Variants in METTL15 observed in about 807,000 individuals in gnomAD.
METTL15 encodes the protein methyltransferase 15, mitochondrial 12S rRNA N4-cytidine, also known as 12S rRNA N(4)-cytidine methyltransferase METTL15.
A neutral mutation model predicts 38.3 loss-of-function variants in METTL15; 34 were observed. The observed-to-expected ratio is 0.89, with a 90% CI of 0.68 to 1.18. The LOEUF is 1.18. METTL15 is among the 50% of genes most tolerant of loss of function. The pLI is 0.00. For synonymous variants in METTL15, 162 were observed against 170.9 expected, an observed-to-expected ratio of 0.95 and a Z score of 0.41; for missense variants, 438 against 498.4, an observed-to-expected ratio of 0.88 and a Z score of 1.15.
intron 6 of METTL15, among the ~76,000 whole-genome samples, chr11:28,504,919 G>A (rs1400603074): frequency 3.9e-5 from 6 of 152,176 alleles, no homozygotes; most frequent in Non-Finnish European, 8.8e-5. Flanking sequence ...GCCTTGCTTA[G>A]GAGGCAGTGG....
At chr11:28,188,906 T>C (rs1851603055) in intron 3 of METTL15, among the ~76,000 whole-genome samples, 1 of 151,296 alleles carries the variant, frequency 6.6e-6, no homozygotes, top group Admixed American at 6.6e-5. Flanking sequence ...TTCATTTAAA[T>C]AGTGGCATAA....
chr11:28,232,478 A>T (rs894950667), intron 4 of METTL15, among the ~76,000 whole-genome samples: 4 of 151,688 alleles, frequency 2.6e-5, no homozygotes, highest in Non-Finnish European at 4.4e-5. Flanking sequence ...ATGCATAAAA[A>T]TTTTTTCTTT....
At chr11:28,316,116 A>C (rs1257402288) in intron 6 of METTL15, among the ~76,000 whole-genome samples, 1 of 152,112 alleles carries the variant, frequency 6.6e-6, no homozygotes, top group Non-Finnish European at 1.5e-5. Context: ...TGGTAGATCC[A>C]CCCAACAGCT....
At chr11:28,324,821 G>A (rs1292116785) in intron 6 of METTL15, among the ~76,000 whole-genome samples, 3 of 152,200 alleles carry the variant, frequency 2.0e-5, no homozygotes, top group Non-Finnish European at 4.4e-5. Flanking sequence ...AAGGGAGTGG[G>A]TGGATAAGTA....
At chr11:28,470,951 T>A (rs1851298647) in intron 6 of METTL15, among the ~76,000 whole-genome samples, 1 of 152,132 alleles carries the variant, frequency 6.6e-6, no homozygotes, top group Non-Finnish European at 1.5e-5. Flanking sequence ...TCACCTCATT[T>A]TCCCCGTGCT....
chr11:28,292,865 A>G lies in METTL15; in HGVS notation c.599+2468A>G, dbSNP rs182071427. ...GGCTGCATAACTGTCTTCTTTTGAGAAGTGTCTGTTCGTATCCTTTGCCCA... is the reference window on the plus strand; with the variant it reads ...GGCTGCATAACTGTCTTCTTTTGAGGAGTGTCTGTTCGTATCCTTTGCCCA... On this transcript the variant is annotated intron_variant, in intron 5 of 6. Transcript: ENST00000407364. Among the ~76,000 whole-genome samples the G allele has an allele frequency of 3.1e-3, 477 of 152,196 alleles. 13 individuals carry two copies. The highest frequency in any genetic ancestry group is 5.6e-4 in the Non-Finnish European group (38 of 68,016).
At chr11:28,356,817 C>T (rs889085416) in intron 4 of METTL15, among the ~76,000 whole-genome samples, 1 of 152,176 alleles carries the variant, frequency 6.6e-6, no homozygotes, top group South Asian at 2.1e-4. Context: ...AAAACATCTT[C>T]AAGCCACAAT....
chr11:28,400,630 T>G (rs1005044683), intron 5 of METTL15, among the ~76,000 whole-genome samples: 6 of 152,004 alleles, frequency 3.9e-5, no homozygotes, highest in African/African-American at 1.2e-4. Context: ...TCCTGACATT[T>G]CTGCATTCAG....
At chr11:28,119,064 T>C (rs759451889) in intron 3 of METTL15, among the ~76,000 whole-genome samples, 9 of 152,164 alleles carry the variant, frequency 5.9e-5, no homozygotes, top group Non-Finnish European at 1.3e-4. Context: ...TCTCCTCATC[T>C]TCATCCTTCA....
chr11:28,426,015 C>T (rs1016757708), intron 6 of METTL15, among the ~76,000 whole-genome samples: 2 of 152,036 alleles, frequency 1.3e-5, no homozygotes, highest in African/African-American at 4.8e-5. Flanking sequence ...TAATGTGTGC[C>T]ATGGTGGTTT....
chr11:28,150,584 T>A (rs1296613924), intron 3 of METTL15, among the ~76,000 whole-genome samples: 1 of 151,686 alleles, frequency 6.6e-6, no homozygotes, highest in East Asian at 1.9e-4. Flanking sequence ...GGGGTGATTT[T>A]AAAAAATGAA....
intron 3 of METTL15, among the ~76,000 whole-genome samples, chr11:28,347,125 GA>G (rs1340396170): frequency 4.6e-5 from 7 of 152,310 alleles, no homozygotes; most frequent in Non-Finnish European, 7.3e-5. Flanking sequence ...TCTTCTAAAA[GA>G]TGTGGTGGTA....
intron 4 of METTL15, among the ~76,000 whole-genome samples, chr11:28,224,712 C>G (rs968705359): frequency 6.6e-6 from 1 of 151,730 alleles, no homozygotes; most frequent in African/African-American, 2.4e-5. Context: ...CTTATATACT[C>G]TTATCTATAT....
intron 3 of METTL15, among the ~76,000 whole-genome samples, chr11:28,167,056 CTTTT>C (rs1850683900): frequency 6.6e-6 from 1 of 152,104 alleles, no homozygotes; most frequent in Non-Finnish European, 1.5e-5. Flanking sequence ...TTCTTTTGTT[CTTTT>C]GTTTGTCCTT....
At chr11:28,135,395 G>C (rs1849482013) in intron 3 of METTL15, among the ~76,000 whole-genome samples, 1 of 152,176 alleles carries the variant, frequency 6.6e-6, no homozygotes, top group Non-Finnish European at 1.5e-5. Flanking sequence ...AAATACCTAT[G>C]AGTTGGGTAA....
chr11:28,354,824 T>C (rs1850076373), intron 4 of METTL15, among the ~76,000 whole-genome samples: 1 of 152,232 alleles, frequency 6.6e-6, no homozygotes, highest in Non-Finnish European at 1.5e-5. Context: ...GTGTATGTTT[T>C]GAGTTATGTC....
intron 2 of METTL15, among the ~76,000 whole-genome samples, chr11:28,111,902 AT>A (rs1328593833): frequency 1.3e-5 from 2 of 152,186 alleles, no homozygotes; most frequent in African/African-American, 2.4e-5. Flanking sequence ...GGCATAATTA[AT>A]AATTTGGCTA....
At chr11:28,449,137 G>T (rs992134313) in intron 6 of METTL15, among the ~76,000 whole-genome samples, 1 of 152,072 alleles carries the variant, frequency 6.6e-6, no homozygotes, top group Non-Finnish European at 1.5e-5. Context: ...CTCTTACTTA[G>T]CCATACTCCC....
In METTL15 at chr11:28,176,072, A is replaced by T. The variant is rs997231453; in HGVS notation, c.271-34990A>T. Among the ~76,000 whole-genome samples, 6 of 152,056 alleles carry T rather than the reference A, an allele frequency of 3.9e-5. 1 individual carries two copies. The highest frequency in any genetic ancestry group is 4.1e-4 in the South Asian group (2 of 4,826). ...TAAGATCAGTTAATGAATAAAAAGT[A>T]ATGAAGGCTGGAATAATGGCAGTGG... On this transcript the variant is annotated intron_variant, in intron 3 of 6. Coordinates refer to ENST00000407364, the MANE Select transcript of METTL15 (RefSeq NM_001113528.2).
Sources: allele counts gnomAD v4.1 joint callset (sites outside exome capture counted in the v4.1 genomes callset), GRCh38; gene constraint gnomAD v4.1.1; transcripts MANE v1.5; gene names NCBI Gene and HGNC (gene_info 2026-07-23, HGNC 2026-07-21).